SHQ1: variants seen among roughly 807,000 people sequenced by gnomAD.
SHQ1 encodes the protein protein SHQ1 homolog.
Under a neutral mutation model 53.8 loss-of-function variants are expected in SHQ1, and 49 were observed. The observed-to-expected ratio is 0.91, with a 90% CI of 0.72 to 1.16. SHQ1 has a LOEUF of 1.16. Ranked by LOEUF, SHQ1 falls within the 50% of genes most tolerant of loss-of-function variation. The probability of loss-of-function intolerance (pLI) is 0.00; values close to 1 mark genes in which losing one functional copy is unlikely to be tolerated. For missense variants in SHQ1, 738 were observed against 683.1 expected, an observed-to-expected ratio of 1.08 and a Z score of -0.90; for synonymous variants, 243 against 251.0, an observed-to-expected ratio of 0.97 and a Z score of 0.30.
At chr3:72,753,716 A>T in intron 10 of SHQ1, 7 of 800,966 alleles carry the variant, frequency 8.7e-6, no homozygotes, top group Non-Finnish European at 1.1e-5. Context: ...TCAGTTAATG[A>T]TTCACCAAAG....
intron 6 of SHQ1, among the ~76,000 whole-genome samples, chr3:72,821,882 G>C (rs887715468): frequency 2.6e-5 from 4 of 152,094 alleles, no homozygotes; most frequent in Non-Finnish European, 5.9e-5. Flanking sequence ...CCAAATATTT[G>C]AACCAGGATT....
chr3:72,834,596 T>C (rs1263460506), intron 4 of SHQ1, among the ~76,000 whole-genome samples: 1 of 152,238 alleles, frequency 6.6e-6, no homozygotes, highest in African/African-American at 2.4e-5. Context: ...ACAAACATTC[T>C]GGGCAAAAAC....
At chr3:72,740,830 C>T in the SHQ1 span, among the ~76,000 whole-genome samples, 11 of 152,304 alleles carry the variant, frequency 7.2e-5, no homozygotes, top group South Asian at 2.1e-4. Context: ...TTCACCCTCT[C>T]GCCTGTATCT....
chr3:72,733,069 G>C, the SHQ1 span, among the ~76,000 whole-genome samples: 1 of 151,726 alleles, frequency 6.6e-6, no homozygotes, highest in African/African-American at 2.4e-5. Flanking sequence ...GAGGAGGAGA[G>C]AGGTGGGGTG....
chr3:72,730,072 C>A, the SHQ1 span, among the ~76,000 whole-genome samples: 1 of 152,114 alleles, frequency 6.6e-6, no homozygotes, highest in Non-Finnish European at 1.5e-5. Context: ...CCTGCCTCGG[C>A]TTCCCAAAGT....
chr3:72,788,524 C>G (rs1015171095), intron 10 of SHQ1, among the ~76,000 whole-genome samples: 6 of 151,994 alleles, frequency 3.9e-5, no homozygotes, highest in African/African-American at 7.2e-5. Flanking sequence ...GCCCTGCCGC[C>G]CCGTCGGGGA....
chr3:72,752,658 C>T (rs533490296), intron 10 of SHQ1, among the ~76,000 whole-genome samples: 2 of 152,160 alleles, frequency 1.3e-5, no homozygotes, highest in East Asian at 3.9e-4. Flanking sequence ...TCCCGAGTAG[C>T]TTGGACTACA....
chr3:72,756,631 T>C (rs1174543613), intron 10 of SHQ1, among the ~76,000 whole-genome samples: 1 of 152,164 alleles, frequency 6.6e-6, no homozygotes, highest in Non-Finnish European at 1.5e-5. Flanking sequence ...AGAATATATT[T>C]ATTATAGAAT....
chr3:72,843,890 G>C (rs567251503), intron 2 of SHQ1, among the ~76,000 whole-genome samples: 117 of 152,324 alleles, frequency 7.7e-4, no homozygotes, highest in African/African-American at 2.6e-3. Flanking sequence ...TTCATGGCTA[G>C]CTGAAATGAA....
At chr3:72,756,972 C>T (rs1186619673) in intron 10 of SHQ1, among the ~76,000 whole-genome samples, 2 of 152,144 alleles carry the variant, frequency 1.3e-5, no homozygotes, top group African/African-American at 4.8e-5. Flanking sequence ...GGAAAGCCTC[C>T]GCAGCCTTAT....
At chr3:72,819,806 G>T (rs911544748) in intron 6 of SHQ1, among the ~76,000 whole-genome samples, 72 of 152,200 alleles carry the variant, frequency 4.7e-4, no homozygotes, top group Admixed American at 3.5e-3. Flanking sequence ...GGACGCATCT[G>T]AAGTTCCTTA....
chr3:72,759,525 TACTAAA>T (rs1409526708), intron 10 of SHQ1, among the ~76,000 whole-genome samples: 1 of 152,112 alleles, frequency 6.6e-6, no homozygotes, highest in African/African-American at 2.4e-5. Context: ...ATCCTGTCTC[TACTAAA>T]AATATAAAAA....
intron 10 of SHQ1, among the ~76,000 whole-genome samples, chr3:72,784,655 T>C (rs1706171980): frequency 6.6e-6 from 1 of 152,242 alleles, no homozygotes; most frequent in Admixed American, 6.5e-5. Flanking sequence ...CAATTGTTTC[T>C]TGAAACTTCT....
At chr3:72,742,152 C>T in the SHQ1 span, among the ~76,000 whole-genome samples, 1 of 150,178 alleles carries the variant, frequency 6.7e-6, no homozygotes, top group Admixed American at 6.7e-5. Flanking sequence ...GAGTTCTGAT[C>T]ACATTACTGC....
intron 10 of SHQ1, among the ~76,000 whole-genome samples, chr3:72,777,130 A>G (rs1559666765): frequency 1.3e-5 from 2 of 152,234 alleles, no homozygotes; most frequent in Non-Finnish European, 1.5e-5. Flanking sequence ...GAATATCTCT[A>G]TAACATCCAA....
At chr3:72,736,524 C>T in the SHQ1 span, among the ~76,000 whole-genome samples, 1 of 151,524 alleles carries the variant, frequency 6.6e-6, no homozygotes, top group Non-Finnish European at 1.5e-5. Flanking sequence ...GGCACGGTGG[C>T]ACATGCCTGT....
intron 2 of SHQ1, among the ~76,000 whole-genome samples, chr3:72,842,629 C>T (rs897551856): frequency 1.3e-5 from 2 of 151,988 alleles, no homozygotes; most frequent in African/African-American, 4.8e-5. Flanking sequence ...TAGTCAAAGA[C>T]TTCACAAATA....
the SHQ1 span, among the ~76,000 whole-genome samples, chr3:72,735,752 G>GGCAA: frequency 1.5e-5 from 1 of 65,820 alleles, no homozygotes; most frequent in African/African-American, 6.5e-5. Context: ...AAGGAAGGAA[G>GGCAA]GCAGGCAGGC....
intron 10 of SHQ1, among the ~76,000 whole-genome samples, chr3:72,782,465 T>C (rs1266264838): frequency 6.6e-6 from 1 of 152,194 alleles, no homozygotes; most frequent in Non-Finnish European, 1.5e-5. Flanking sequence ...CAAAGATATG[T>C]TCCACAGCTC....
Sources: allele counts gnomAD v4.1 joint callset (sites outside exome capture counted in the v4.1 genomes callset), GRCh38; gene constraint gnomAD v4.1.1; transcripts MANE v1.5; gene names NCBI Gene and HGNC (gene_info 2026-07-23, HGNC 2026-07-21).